Variants in AGBL1 observed in about 807,000 individuals in gnomAD.
AGBL1 encodes AGBL carboxypeptidase 1, also known as cytosolic carboxypeptidase 4.
AGBL1 carries 130 observed loss-of-function variants against 118.9 expected under a neutral mutation model. That is an observed-to-expected ratio of 1.09 (90% CI 0.95 to 1.26). The LOEUF (loss-of-function observed/expected upper bound fraction) is 1.26, where lower values mean the gene tolerates loss of function less well. Among genes scored for constraint, AGBL1 ranks in the 50% most tolerant of loss-of-function variants. The pLI is 0.00. For synonymous variants in AGBL1, 555 were observed against 478.9 expected, an observed-to-expected ratio of 1.16 and a Z score of -2.08; for missense variants, 1,584 against 1,298.1, an observed-to-expected ratio of 1.22 and a Z score of -3.38.
intron 22 of AGBL1, among the ~76,000 whole-genome samples, chr15:86,799,132 T>C (rs979588039): frequency 2.0e-5 from 3 of 151,872 alleles, no homozygotes; most frequent in Non-Finnish European, 4.4e-5. Flanking sequence ...CTTTTGTTTG[T>C]ATCTGAATGC....
At chr15:86,462,367 T>C in intron 18 of AGBL1, among the ~76,000 whole-genome samples, 1 of 152,210 alleles carries the variant, frequency 6.6e-6, no homozygotes, top group East Asian at 1.9e-4. Flanking sequence ...TTTAAGTTGT[T>C]CGCTGACTCC....
intron 18 of AGBL1, among the ~76,000 whole-genome samples, chr15:86,469,011 T>C (rs1302412986): frequency 1.3e-5 from 2 of 152,214 alleles, no homozygotes; most frequent in Non-Finnish European, 2.9e-5. Context: ...TATATATTCA[T>C]TGTGAAATGG....
At chr15:86,922,875 C>T (rs922292752) in intron 23 of AGBL1, among the ~76,000 whole-genome samples, 9 of 152,212 alleles carry the variant, frequency 5.9e-5, no homozygotes, top group South Asian at 4.2e-4. Context: ...GTTTAGATAA[C>T]GGGACTGGTT....
intron 22 of AGBL1, among the ~76,000 whole-genome samples, chr15:86,858,016 T>G (rs1022407181): frequency 3.3e-5 from 5 of 152,338 alleles, no homozygotes; most frequent in African/African-American, 7.2e-5. Context: ...GAATAGTCTT[T>G]CTAGTTTCTC....
intron 18 of AGBL1, among the ~76,000 whole-genome samples, chr15:86,440,888 A>C (rs1316208255): frequency 6.6e-6 from 1 of 152,224 alleles, no homozygotes; most frequent in Middle Eastern, 3.2e-3. Flanking sequence ...TGAGTAGCAC[A>C]AGCATCAGAA....
At chr15:86,546,160 G>C in intron 20 of AGBL1, 27 bp downstream of exon 20, 1 of 1,596,524 alleles carries the variant, frequency 6.3e-7, no homozygotes, top group Non-Finnish European at 8.6e-7. Context: ...AATGACATCA[G>C]ACATGCTGTG....
intron 18 of AGBL1, among the ~76,000 whole-genome samples, chr15:86,417,669 T>C (rs897776738): frequency 1.2e-4 from 19 of 152,132 alleles, no homozygotes; most frequent in Non-Finnish European, 1.9e-4. Context: ...AGCATCTACA[T>C]TGAGAGCTGA....
chr15:86,491,764 C>T (rs1310335643), intron 18 of AGBL1, among the ~76,000 whole-genome samples: 1 of 150,358 alleles, frequency 6.7e-6, no homozygotes, highest in Non-Finnish European at 1.5e-5. Flanking sequence ...CTCTAAAGCA[C>T]TGGAAAAAAA....
At chr15:86,432,893 G>T (rs1262041315) in intron 18 of AGBL1, among the ~76,000 whole-genome samples, 1 of 152,232 alleles carries the variant, frequency 6.6e-6, no homozygotes, top group African/African-American at 2.4e-5. Context: ...GGGGCAGGTT[G>T]CACTGACTGG....
At chr15:86,554,679 T>C (rs2083708388) in intron 21 of AGBL1, 142 bp downstream of exon 21, 4 of 804,566 alleles carry the variant, frequency 5.0e-6, no homozygotes, top group Non-Finnish European at 6.9e-6. Flanking sequence ...GAAAAACGGG[T>C]TCAACAATTG....
At chr15:86,751,814 A>G (rs1469688267) in intron 22 of AGBL1, among the ~76,000 whole-genome samples, 2 of 152,102 alleles carry the variant, frequency 1.3e-5, no homozygotes, top group African/African-American at 4.8e-5. Context: ...AGAAATGAAA[A>G]GGTTTATTAT....
Position 86,300,238 on chromosome 15 carries a change from C to T in AGBL1, c.2374+4830C>T, listed in dbSNP as rs982747077. ...TTTTTTAACTTCTCCATTTTTTTCT[C>T]CACATTGCTCTCACAACCTCGCATT... On this transcript the variant is annotated intron_variant, in intron 17 of 22. Transcript: ENST00000614907. Among the ~76,000 whole-genome samples, 13 of 152,210 alleles carry T rather than the reference C, an allele frequency of 8.5e-5. No individual in the cohort carries two copies. In the East Asian group the frequency reaches 1.5e-3, roughly 18 times the overall value.
chr15:86,962,384 A>C (rs1398870561), intron 23 of AGBL1, among the ~76,000 whole-genome samples: 1 of 152,096 alleles, frequency 6.6e-6, no homozygotes, highest in Non-Finnish European at 1.5e-5. Flanking sequence ...TATCATTCAC[A>C]AGGCATTAAC....
At chr15:86,749,189 G>A (rs572853478) in intron 22 of AGBL1, among the ~76,000 whole-genome samples, 3 of 152,224 alleles carry the variant, frequency 2.0e-5, no homozygotes, top group East Asian at 3.9e-4. Context: ...ATTTCGTTGA[G>A]CAGTGATTTG....
intron 5 of AGBL1, among the ~76,000 whole-genome samples, chr15:86,165,945 C>T (rs1032414791): frequency 1.1e-4 from 16 of 152,162 alleles, no homozygotes; most frequent in African/African-American, 3.4e-4. Context: ...TAAGCCTTGG[C>T]AACTAGAGTT....
At chr15:86,535,002 G>A (rs529024743) in intron 19 of AGBL1, among the ~76,000 whole-genome samples, 47 of 152,206 alleles carry the variant, frequency 3.1e-4, no homozygotes, top group Non-Finnish European at 4.9e-4. Flanking sequence ...CAGGATCTGC[G>A]TTTTTCACTC....
intron 18 of AGBL1, among the ~76,000 whole-genome samples, chr15:86,521,041 A>C (rs1006443391): frequency 1.3e-5 from 2 of 152,252 alleles, no homozygotes; most frequent in East Asian, 1.9e-4. Context: ...AGAATAAAAA[A>C]TGCCAGAGAG....
At chr15:86,423,261 G>C (rs2081817316) in intron 18 of AGBL1, among the ~76,000 whole-genome samples, 1 of 152,122 alleles carries the variant, frequency 6.6e-6, no homozygotes, top group South Asian at 2.1e-4. Context: ...CTTCATCCAT[G>C]GGATGCAACA....
chr15:86,122,867 C>G (rs1376128042), intron 1 of AGBL1, among the ~76,000 whole-genome samples: 1 of 152,138 alleles, frequency 6.6e-6, no homozygotes, highest in Non-Finnish European at 1.5e-5. Context: ...GCACAGCTGA[C>G]CAGCATTAAC....
Sources: gnomAD v4.1 joint callset for allele counts (sites outside exome capture counted in the v4.1 genomes callset) on GRCh38, gnomAD v4.1.1 for gene constraint, MANE v1.5 for transcripts, NCBI Gene and HGNC (gene_info 2026-07-23, HGNC 2026-07-21) for gene names.